Variants in PDS5A observed in about 807,000 individuals in gnomAD.
The protein encoded by PDS5A is sister chromatid cohesion protein PDS5 homolog A.
In PDS5A, 42 loss-of-function variants were observed where a neutral mutation model predicts 167.1. That is an observed-to-expected ratio of 0.25 (90% CI 0.20 to 0.33). PDS5A has a LOEUF of 0.33. Ranked by LOEUF, PDS5A falls within the 10% of genes least tolerant of loss-of-function variation. PDS5A has a pLI of 1.00. For missense variants in PDS5A, 1,033 were observed against 1,605.9 expected (o/e 0.64, Z 6.10); for synonymous variants, 553 against 554.6 (o/e 1.00, Z 0.04).
At chr4:39,884,916 G>A (rs936075495) in intron 17 of PDS5A, among the ~76,000 whole-genome samples, 2 of 129,120 alleles carry the variant, frequency 1.5e-5, no homozygotes, top group African/African-American at 2.6e-5. Flanking sequence ...CATATGTATA[G>A]GGGGGAAATT....
At chr4:39,877,773 T>G (rs1720586570) in intron 18 of PDS5A, among the ~76,000 whole-genome samples, 1 of 151,986 alleles carries the variant, frequency 6.6e-6, no homozygotes, top group South Asian at 2.1e-4. Flanking sequence ...CCCGGCTAAA[T>G]TTTTTGTTTT....
chr4:39,845,320 TTCAA>T lies in PDS5A; in HGVS notation c.3402+494_3402+497del, dbSNP rs556746531. The stretch of plus-strand genomic sequence containing the variant: ...GGTAATATTAATGTATCCTTTATTA[TTCAA>T]TCAAAATACAAAGTTCCCCTAAAAT... On this transcript the variant is annotated intron_variant, in intron 29 of 32. Coordinates refer to ENST00000303538, the MANE Select transcript of PDS5A (RefSeq NM_001100399.2). Among the ~76,000 whole-genome samples the T allele has an allele frequency of 2.4e-4, 36 of 152,312 alleles. No individual in the cohort carries two copies. In the South Asian group the frequency reaches 7.5e-3, roughly 32 times the overall value.
At chr4:39,969,446 T>C (rs1488270434) in intron 2 of PDS5A, among the ~76,000 whole-genome samples, 1 of 152,080 alleles carries the variant, frequency 6.6e-6, no homozygotes, top group Non-Finnish European at 1.5e-5. Flanking sequence ...GTGGGTGGAT[T>C]ACCTGAGGTC....
At chr4:39,901,300 C>T (rs1413013223) in intron 13 of PDS5A, among the ~76,000 whole-genome samples, 2 of 133,622 alleles carry the variant, frequency 1.5e-5, no homozygotes, top group Non-Finnish European at 3.1e-5. Context: ...ACAAGTCTCA[C>T]TCTGTTGCCC....
At chr4:39,827,005 A>T (rs1455164315) in intron 32 of PDS5A, among the ~76,000 whole-genome samples, 5 of 151,832 alleles carry the variant, frequency 3.3e-5, no homozygotes, top group African/African-American at 1.2e-4. Context: ...GCTATTAAAG[A>T]ATTTTTTTTT....
intron 17 of PDS5A, among the ~76,000 whole-genome samples, chr4:39,883,559 G>A (rs1240327202): frequency 2.6e-5 from 4 of 152,152 alleles, no homozygotes; most frequent in Admixed American, 6.5e-5. Flanking sequence ...TCTTCTTCAA[G>A]CTTACTCCGT....
intron 29 of PDS5A, among the ~76,000 whole-genome samples, 187 bp from the exon 30 acceptor site, chr4:39,844,988 A>G (rs989691589): frequency 6.6e-6 from 1 of 152,166 alleles, no homozygotes; most frequent in Admixed American, 6.6e-5. Context: ...GAGGTGGATC[A>G]CTTGAGGCCA....
intron 1 of PDS5A, 137 bp from the exon 2 acceptor site, chr4:39,976,754 C>G: frequency 2.1e-6 from 1 of 483,962 alleles, no homozygotes; most frequent in South Asian, 3.8e-5. Flanking sequence ...GCCACCCGCT[C>G]TTTCCCAGGG....
intron 2 of PDS5A, among the ~76,000 whole-genome samples, chr4:39,957,025 A>T (rs1272178657): frequency 6.6e-6 from 1 of 152,122 alleles, no homozygotes; most frequent in Non-Finnish European, 1.5e-5. Flanking sequence ...CTCTTTATCT[A>T]CACTGACTCA....
intron 32 of PDS5A, 23 bp from the exon 33 acceptor site, chr4:39,825,511 A>G (rs1422870380): frequency 1.9e-6 from 3 of 1,550,644 alleles, no homozygotes; most frequent in Admixed American, 3.7e-5. Flanking sequence ...AATAGAACGC[A>G]AAGTTAGAAA....
At chr4:39,840,008 C>T (rs1311843062) in intron 31 of PDS5A, among the ~76,000 whole-genome samples, 17 of 151,282 alleles carry the variant, frequency 1.1e-4, no homozygotes, top group African/African-American at 2.4e-5. Flanking sequence ...GCAGGAGAAT[C>T]GCTTGAACCC....
At chr4:39,871,937 C>T (rs944309479) in intron 21 of PDS5A, among the ~76,000 whole-genome samples, 1 of 151,964 alleles carries the variant, frequency 6.6e-6, no homozygotes, top group Non-Finnish European at 1.5e-5. Flanking sequence ...AACTCCTGAC[C>T]TCAGGTGATC....
chr4:39,937,942 G>A (rs938885174), intron 2 of PDS5A, among the ~76,000 whole-genome samples: 15 of 152,102 alleles, frequency 9.9e-5, no homozygotes, highest in Non-Finnish European at 2.2e-4. Flanking sequence ...TCAGCCTAAA[G>A]GATTCTCCAT....
intron 2 of PDS5A, 95 bp from the exon 3 acceptor site, chr4:39,928,259 G>A: frequency 1.4e-6 from 1 of 705,834 alleles, no homozygotes; most frequent in Non-Finnish European, 2.4e-6. Flanking sequence ...ATCTCCATTA[G>A]CAATCGGTGG....
At chr4:39,870,352 C>T (rs1395521771) in intron 21 of PDS5A, among the ~76,000 whole-genome samples, 3 of 152,020 alleles carry the variant, frequency 2.0e-5, no homozygotes, top group Admixed American at 2.0e-4. Context: ...ACTCTTAAAA[C>T]TCAACAAGAA....
intron 21 of PDS5A, among the ~76,000 whole-genome samples, chr4:39,870,091 A>G (rs1283441925): frequency 1.3e-5 from 2 of 152,154 alleles, no homozygotes; most frequent in African/African-American, 4.8e-5. Context: ...GCTGGGCTAC[A>G]GAGTGAGACT....
intron 2 of PDS5A, among the ~76,000 whole-genome samples, chr4:39,975,905 G>A (rs1180072803): frequency 6.6e-6 from 1 of 152,148 alleles, no homozygotes; most frequent in East Asian, 1.9e-4. Context: ...CTCATAAAAA[G>A]GGCCATAATA....
intron 28 of PDS5A, chr4:39,847,867 G>C (rs1717766669): frequency 6.6e-6 from 1 of 152,182 alleles, no homozygotes; most frequent in Non-Finnish European, 1.5e-5. Context: ...ATGGGTCATG[G>C]GTCTGCGGCC....
rs1723778033 is a variant in PDS5A at position 39,910,276 on chromosome 4, A to G, written c.1055T>C (p.Met352Thr). The change falls in exon 10 of 33, where the codon ATG becomes ACG. Residue 352 changes from methionine to threonine, a missense_variant. Coordinates refer to ENST00000303538, the MANE Select transcript of PDS5A (RefSeq NM_001100399.2). ...ATCCTTCGCTAAATCTGGGTGATTCATTAAACAATGACTGGCAAATTTCAC... is the reference window on the plus strand; with the variant it reads ...ATCCTTCGCTAAATCTGGGTGATTCGTTAAACAATGACTGGCAAATTTCAC... Reference protein sequence around the residue: ...ESVKFASHCLMNHPDLAKDLT... With the variant: ...ESVKFASHCLTNHPDLAKDLT... The G allele has an allele frequency of 6.3e-7, 1 of 1,589,160 alleles. No homozygotes were observed. Among genetic ancestry groups the G allele is most frequent in the Non-Finnish European group, 8.6e-7 (1 of 1,161,512 alleles).
Sources: gnomAD v4.1 joint callset for allele counts (sites outside exome capture counted in the v4.1 genomes callset) on GRCh38, gnomAD v4.1.1 for gene constraint, MANE v1.5 for transcripts, NCBI Gene and HGNC (gene_info 2026-07-23, HGNC 2026-07-21) for gene names.